The following CAMTA1 variants were observed in gnomAD, a reference collection of about 807,000 sequenced individuals.
CAMTA1 encodes the protein calmodulin-binding transcription activator 1.
A neutral mutation model predicts 170.9 loss-of-function variants in CAMTA1; 27 were observed. The ratio of observed to expected loss-of-function variants is 0.16; its 90% CI spans 0.12 to 0.22. The LOEUF (loss-of-function observed/expected upper bound fraction) is 0.22. Among genes scored for constraint, CAMTA1 ranks in the 10% least tolerant of loss-of-function variants. The pLI, the probability that CAMTA1 is intolerant of heterozygous loss-of-function variation, is 1.00. For synonymous variants in CAMTA1, 833 were observed against 891.5 expected (o/e 0.93, Z 1.17); for missense variants, 1,619 against 2,217.2 (o/e 0.73, Z 5.42).
chr1:6,993,777 G>A (rs1489556581), intron 3 of CAMTA1, among the ~76,000 whole-genome samples: 8 of 151,920 alleles, frequency 5.3e-5, no homozygotes, highest in Non-Finnish European at 7.4e-5. Flanking sequence ...CTATAGTTTG[G>A]TCTTGCTTTT....
intron 3 of CAMTA1, among the ~76,000 whole-genome samples, chr1:6,852,118 A>C (rs953273113): frequency 6.6e-6 from 1 of 152,156 alleles, no homozygotes; most frequent in Non-Finnish European, 1.5e-5. Context: ...CATCCTTCTC[A>C]GAAGGCAATG....
intron 4 of CAMTA1, among the ~76,000 whole-genome samples, chr1:7,244,332 GC>G (rs1487354601): frequency 3.9e-5 from 6 of 152,352 alleles, no homozygotes; most frequent in African/African-American, 1.4e-4. Context: ...AGTCGGTGTG[GC>G]GATTCCTCAG....
chr1:6,820,057 T>C (rs906174064), intron 1 of CAMTA1, 124 bp from the exon 2 acceptor site: 3 of 669,738 alleles, frequency 4.5e-6, no homozygotes, highest in Non-Finnish European at 8.2e-6. Context: ...TTCCTTGATT[T>C]GGATTTGTCT....
chr1:7,756,666 T>C (rs1377975208), intron 22 of CAMTA1, among the ~76,000 whole-genome samples: 3 of 151,794 alleles, frequency 2.0e-5, no homozygotes, highest in Non-Finnish European at 4.4e-5. Context: ...CTGGGCAACA[T>C]AGGGAGACTC....
rs1225675999 is a variant in CAMTA1, at chr1:6,826,512, T to G, written c.234+1302T>G. On this transcript the variant is annotated intron_variant, in intron 3 of 22. Transcript: ENST00000303635. ...TTCAGCAAAATAGTATTATATAATT[T>G]GGAAGCCATTTAATAAGTCGGAACT... 2.0e-5 allele frequency among the ~76,000 whole-genome samples: 3 copies of G among 152,362 alleles called. No individual in the cohort carries two copies. In the East Asian group the frequency reaches 5.8e-4, roughly 29 times the overall value.
chr1:6,786,030 C>T (rs1044147265), intron 1 of CAMTA1, among the ~76,000 whole-genome samples: 1 of 151,686 alleles, frequency 6.6e-6, no homozygotes, highest in Admixed American at 6.6e-5. Flanking sequence ...CCGCGCCCCA[C>T]TGCTCCGGGC....
intron 4 of CAMTA1, among the ~76,000 whole-genome samples, chr1:7,227,295 C>T (rs1558275089): frequency 6.6e-6 from 1 of 152,184 alleles, no homozygotes; most frequent in Non-Finnish European, 1.5e-5. Context: ...CAGGATGCTA[C>T]TTTGCTTCTG....
chr1:7,385,745 G>A (rs1380120392), intron 5 of CAMTA1, among the ~76,000 whole-genome samples: 6 of 152,194 alleles, frequency 3.9e-5, no homozygotes, highest in Admixed American at 1.3e-4. Flanking sequence ...TGGGGTGCCC[G>A]CTCCCCAGCA....
intron 5 of CAMTA1, among the ~76,000 whole-genome samples, chr1:7,253,647 T>G (rs1666945549): frequency 6.6e-6 from 1 of 152,200 alleles, no homozygotes; most frequent in Admixed American, 6.5e-5. Flanking sequence ...ACCCATTTTA[T>G]AGATGGAGAG....
intron 11 of CAMTA1, among the ~76,000 whole-genome samples, chr1:7,728,615 G>A (rs1032094863): frequency 1.3e-5 from 2 of 152,206 alleles, no homozygotes; most frequent in Admixed American, 6.5e-5. Context: ...GATGCATAAC[G>A]ATCTCCAAGT....
intron 5 of CAMTA1, among the ~76,000 whole-genome samples, chr1:7,336,413 T>A (rs2083387416): frequency 6.6e-6 from 1 of 152,212 alleles, no homozygotes; most frequent in African/African-American, 2.4e-5. Context: ...ACCAGGCGAA[T>A]TGACTTGGGG....
rs137934120 is a variant in CAMTA1, at chr1:7,408,857, C to T, written c.439-58973C>T. On this transcript the variant is annotated intron_variant, in intron 5 of 22. Transcript: ENST00000303635. ...TGGCACTCATTGGCAGCAGGGCCCA[C>T]GGTTCCCCCTCCCACTCACACACCT... 1.8e-3 allele frequency among the ~76,000 whole-genome samples: 281 copies of T among 152,342 alleles called. 1 individual carries two copies. The highest frequency in any genetic ancestry group is 6.3e-3 in the African/African-American group (261 of 41,592).
chr1:7,439,230 G>A (rs2092445583), intron 5 of CAMTA1, among the ~76,000 whole-genome samples: 1 of 152,170 alleles, frequency 6.6e-6, no homozygotes, highest in Non-Finnish European at 1.5e-5. Flanking sequence ...CTGTCATACT[G>A]CTTTCTGCCT....
rs1674516250 is a variant in CAMTA1, at chr1:7,299,923, G to T, written c.438+50297G>T. 6.6e-6 allele frequency among the ~76,000 whole-genome samples: 1 copy of T among 152,194 alleles called. No homozygotes were observed. Among genetic ancestry groups the T allele is most frequent in the South Asian group, 2.1e-4 (1 of 4,826 alleles). On this transcript the variant is annotated intron_variant, in intron 5 of 22. Coordinates refer to ENST00000303635, the MANE Select transcript of CAMTA1 (RefSeq NM_015215.4). The surrounding 1 kb of genome is among the most constrained non-coding windows in gnomAD (Gnocchi z 4.7). Reference sequence around the variant, plus strand: ...GTCTTAGAAGGGGCCCGTGCAACCAGAGGTGCCCCGAAAGCTTAAGTGTCA... The same window carrying T: ...GTCTTAGAAGGGGCCCGTGCAACCATAGGTGCCCCGAAAGCTTAAGTGTCA...
At chr1:7,538,084 C>T (rs1198866001) in intron 6 of CAMTA1, among the ~76,000 whole-genome samples, 1 of 152,204 alleles carries the variant, frequency 6.6e-6, no homozygotes, top group Non-Finnish European at 1.5e-5. Context: ...GCTTGGAGCC[C>T]TCATTTGCAC....
At chr1:7,180,531 T>TC (rs926483845) in intron 4 of CAMTA1, among the ~76,000 whole-genome samples, 1 of 148,482 alleles carries the variant, frequency 6.7e-6, no homozygotes, top group Non-Finnish European at 1.5e-5. Context: ...TTTTTTTTTT[T>TC]TTTTGAGACC....
intron 5 of CAMTA1, among the ~76,000 whole-genome samples, chr1:7,287,683 T>C (rs1010761163): frequency 1.3e-5 from 2 of 152,204 alleles, no homozygotes; most frequent in Admixed American, 6.5e-5. Context: ...GGAATGCCAG[T>C]GGCTTAACAA....
At chr1:7,377,718 G>A (rs1017005111) in intron 5 of CAMTA1, among the ~76,000 whole-genome samples, 2 of 152,066 alleles carry the variant, frequency 1.3e-5, no homozygotes, top group African/African-American at 4.8e-5. Flanking sequence ...TCAGGAGTTC[G>A]AGACCAGCCT....
intron 5 of CAMTA1, among the ~76,000 whole-genome samples, chr1:7,402,602 A>G (rs1488642544): frequency 6.6e-6 from 1 of 152,184 alleles, no homozygotes; most frequent in Non-Finnish European, 1.5e-5. Context: ...AAGCCACGCT[A>G]TGCTCAGGGT....
Sources: allele counts gnomAD v4.1 joint callset (sites outside exome capture counted in the v4.1 genomes callset), GRCh38; gene constraint gnomAD v4.1.1; non-coding constraint Gnocchi (gnomAD v3.1); transcripts MANE v1.5; gene names NCBI Gene and HGNC (gene_info 2026-07-23, HGNC 2026-07-21).